DPP3: variants seen among roughly 807,000 people sequenced by gnomAD.
The protein encoded by DPP3 is dipeptidyl peptidase 3.
A neutral mutation model predicts 89.8 loss-of-function variants in DPP3; 64 were observed. That is an observed-to-expected ratio of 0.71 (90% CI 0.58 to 0.88). The LOEUF (loss-of-function observed/expected upper bound fraction) is 0.88, where lower values mean the gene tolerates loss of function less well. DPP3 is among the 40% of genes least tolerant of loss of function. The probability of loss-of-function intolerance (pLI) is 0.00; values close to 1 mark genes in which losing one functional copy is unlikely to be tolerated. For missense variants in DPP3, 835 were observed against 972.5 expected (o/e 0.86, Z 1.88); for synonymous variants, 377 against 404.3 (o/e 0.93, Z 0.81).
At chr11:66,498,074 A>T (rs1375414009) in intron 16 of DPP3, among the ~76,000 whole-genome samples, 1 of 151,198 alleles carries the variant, frequency 6.6e-6, no homozygotes, top group Non-Finnish European at 1.5e-5. Flanking sequence ...CTGGGATTAC[A>T]GGCTTTCACC....
intron 16 of DPP3, among the ~76,000 whole-genome samples, chr11:66,500,163 G>C (rs753804672): frequency 6.6e-6 from 1 of 152,120 alleles, no homozygotes; most frequent in Non-Finnish European, 1.5e-5. Context: ...AGACCAGCCT[G>C]GCCAACATGG....
At chr11:66,508,949 G>A (rs1340952037) in intron 17 of DPP3, 130 bp from the exon 18 acceptor site, 7 of 1,173,674 alleles carry the variant, frequency 6.0e-6, no homozygotes, top group Non-Finnish European at 8.4e-6. Context: ...AAAACGTAGA[G>A]CACAGGTTTT....
At chr11:66,502,618 C>A (rs968059470) in intron 16 of DPP3, among the ~76,000 whole-genome samples, 1 of 151,964 alleles carries the variant, frequency 6.6e-6, no homozygotes, top group African/African-American at 2.4e-5. Flanking sequence ...TACAGGCACC[C>A]GCCTGGCTAA....
chr11:66,495,131 G>A lies in DPP3; in HGVS notation c.1390-75G>A, dbSNP rs141827020. 1.1e-4 allele frequency: 183 copies of A among 1,609,752 alleles called. 1 individual carries two copies. Among genetic ancestry groups the A allele is most frequent in the Admixed American group, 8.8e-4 (53 of 60,006 alleles). ...CGCTTGCCTTCCTGAGCCACTTTCC[G>A]GCCTGTGGATTCTGGGGCTGGAGGC... On this transcript the variant is annotated intron_variant, in intron 12 of 17. Coordinates refer to ENST00000531863, the MANE Select transcript of DPP3 (RefSeq NM_130443.4).
chr11:66,497,400 G>A lies in DPP3; in HGVS notation c.1801G>A (p.Ala601Thr). ...CACAGGCTCCGATGGGCGCCCAGAT[G>A]CCCGGGTCCGCCTCGACCGCAGCAA... ...PTTGSDGRPD[A>T]RVRLDRSKIR... The change falls in exon 16 of 18, where the codon GCC becomes ACC. Residue 601 changes from alanine to threonine, a missense_variant. Transcript: ENST00000531863. 2 of 1,613,916 alleles carry A rather than the reference G, an allele frequency of 1.2e-6. No homozygotes were observed. Among genetic ancestry groups the A allele is most frequent in the South Asian group, 1.1e-5 (1 of 91,012 alleles).
intron 1 of DPP3, among the ~76,000 whole-genome samples, chr11:66,481,431 A>G (rs779074526): frequency 1.1e-4 from 17 of 152,038 alleles, no homozygotes; most frequent in Non-Finnish European, 2.4e-4. Flanking sequence ...CGGAGGTTGC[A>G]GTGAGTCAAG....
chr11:66,493,631 C>T lies in DPP3; in HGVS notation c.1387C>T (p.Gln463Ter). The change falls in exon 12 of 18, where the codon CAG becomes TAG. Residue 463 changes from glutamine (Q) to a stop codon, truncating the protein, a stop_gained and splice_region_variant. Transcript: ENST00000531863. LOFTEE classifies it high-confidence loss of function. Reference protein sequence around the residue: ...LGHGSGKLFVQDEKGAFNFDQ... With the variant: ...LGHGSGKLFV ...CCATGGCAGTGGCAAGCTCTTCGTACAGGTGAGAAGGCAGTGGCCAGCCCT... is the reference window on the plus strand; with the variant it reads ...CCATGGCAGTGGCAAGCTCTTCGTATAGGTGAGAAGGCAGTGGCCAGCCCT... 6.2e-7 allele frequency: 1 copy of T among 1,610,512 alleles called. No homozygotes were observed.
chr11:66,501,155 C>G (rs939995854), intron 16 of DPP3, among the ~76,000 whole-genome samples: 1 of 151,364 alleles, frequency 6.6e-6, no homozygotes, highest in Non-Finnish European at 1.5e-5. Context: ...CCACTGAACT[C>G]CGGCCCAAGC....
At chr11:66,483,985 T>C (rs1013071216) in intron 2 of DPP3, among the ~76,000 whole-genome samples, 1 of 151,998 alleles carries the variant, frequency 6.6e-6, no homozygotes. Flanking sequence ...AAATTCTTTT[T>C]TTTTTTTGTG....
intron 16 of DPP3, among the ~76,000 whole-genome samples, chr11:66,498,822 G>C (rs1163356045): frequency 2.0e-5 from 3 of 151,994 alleles, no homozygotes; most frequent in African/African-American, 4.8e-5. Context: ...AGACCAGCCT[G>C]GGCAACATAG....
At position 66,487,978 on chromosome 11, in the gene DPP3, A is replaced by T. The variant is rs145645260; in HGVS notation, c.638A>T (p.Glu213Val). ...GATGGAGAAGGGAAGCCCTACTACG[A>T]GGTGCGGCTGGCTTCTGTGCTTGGC... ...EVDGEGKPYY[E>V]VRLASVLGSE... Residue 213 changes from glutamate (E) to valine (V), a missense_variant, in exon 6 of 18, where the codon GAG becomes GTG. Physicochemically the swap from Glu to Val is moderately radical, Grantham distance 121. Transcript: ENST00000531863. 18 of 1,613,952 alleles carry T rather than the reference A, an allele frequency of 1.1e-5. No individual in the cohort carries two copies. The African/African-American group carries it at 2.3e-4, about 20-fold the overall frequency.
chr11:66,495,287 G>A lies in DPP3; in HGVS notation c.1452+19G>A, dbSNP rs1855503343. On this transcript the variant is annotated intron_variant, in intron 13 of 17. Transcript: ENST00000531863. ...CGAGCAGGTGAGGGAGGCCTCAGCA[G>A]AGCCCCAGGGTACTGGGAGGGTGGG... 1 of 1,613,632 alleles carries A rather than the reference G, an allele frequency of 6.2e-7. No homozygotes were observed. The highest frequency in any genetic ancestry group is 1.3e-5 in the African/African-American group (1 of 74,914).
chr11:66,495,123 C>T lies in DPP3; in HGVS notation c.1390-83C>T, dbSNP rs575248974. The T allele has an allele frequency of 4.4e-4, 704 of 1,606,716 alleles. 7 individuals are homozygous for T. In the Middle Eastern group the frequency reaches 5.4e-3, roughly 12 times the overall value. On this transcript the variant is annotated intron_variant, in intron 12 of 17. Transcript: ENST00000531863. ...TGCGCTCCCGCTTGCCTTCCTGAGC[C>T]ACTTTCCGGCCTGTGGATTCTGGGG...
At chr11:66,501,840 A>AAAAAAAG (rs1448786401) in intron 16 of DPP3, among the ~76,000 whole-genome samples, 30 of 151,374 alleles carry the variant, frequency 2.0e-4, no homozygotes, top group African/African-American at 7.0e-4. Context: ...AAAAAAAAAA[A>AAAAAAAG]GCAGGCAAGA....
chr11:66,502,621 C>T (rs1012796523), intron 16 of DPP3, among the ~76,000 whole-genome samples: 37 of 152,268 alleles, frequency 2.4e-4, no homozygotes, highest in African/African-American at 7.5e-4. Flanking sequence ...AGGCACCCGC[C>T]TGGCTAATTT....
chr11:66,480,562 A>G, intron 1 of DPP3, 97 bp downstream of exon 1: 1 of 1,325,084 alleles, frequency 7.5e-7, no homozygotes, highest in Non-Finnish European at 9.9e-7. Flanking sequence ...CTTTCTGCCC[A>G]CTCTCCAGTA....
intron 17 of DPP3, among the ~76,000 whole-genome samples, chr11:66,508,272 T>C (rs1384281082): frequency 6.6e-6 from 1 of 152,206 alleles, no homozygotes; most frequent in Non-Finnish European, 1.5e-5. Context: ...ACAGCCCATT[T>C]AATAAATCAG....
Position 66,482,467 on chromosome 11 carries a change from T to C in DPP3, c.267T>C (p.Tyr89=), listed in dbSNP as rs761706330. The C allele has an allele frequency of 5.0e-6, 8 of 1,602,718 alleles. No individual in the cohort carries two copies. The highest frequency in any genetic ancestry group is 6.8e-6 in the Non-Finnish European group (8 of 1,178,706). ...ALAEGLTEEE[Y]QAFLVYAAGV... Reference sequence around the variant, plus strand: ...CTGAAGGCCTTACCGAGGAGGAGTATCAGGTCAGTTCTCTTGGGCCAACCC... The same window carrying C: ...CTGAAGGCCTTACCGAGGAGGAGTACCAGGTCAGTTCTCTTGGGCCAACCC... The change falls in exon 2 of 18, where the codon TAT becomes TAC. Residue 89 remains tyrosine, a synonymous_variant. Coordinates refer to ENST00000531863, the MANE Select transcript of DPP3 (RefSeq NM_130443.4).
At position 66,495,234 on chromosome 11, in the gene DPP3, A is replaced by G; in HGVS notation, c.1418A>G (p.Gln473Arg). The change falls in exon 13 of 18, where the codon CAG (glutamine) becomes CGG (arginine). Residue 473 changes from glutamine to arginine, a missense_variant. Gln to Arg is a conservative substitution (Grantham distance 43, BLOSUM62 1). Transcript: ENST00000531863. ...QDEKGAFNFD[Q>R]ETVINPETGE... is the part of the protein sequence containing the mutation. ...GAAAAAGGAGCATTCAACTTTGACC[A>G]GGAAACAGTGATCAACCCAGAGACG... 2 of 1,612,666 alleles carry G rather than the reference A, an allele frequency of 1.2e-6. No homozygotes were observed. The highest frequency in any genetic ancestry group is 1.3e-5 in the African/African-American group (1 of 75,002).
Sources: gnomAD v4.1 joint callset for allele counts (sites outside exome capture counted in the v4.1 genomes callset) on GRCh38, gnomAD v4.1.1 for gene constraint, MANE v1.5 for transcripts, NCBI Gene and HGNC (gene_info 2026-07-23, HGNC 2026-07-21) for gene names.